SYT10: variants seen among roughly 807,000 people sequenced by gnomAD.
The protein encoded by SYT10 is synaptotagmin 10, also known as synaptotagmin-10.
Under a neutral mutation model 51.1 loss-of-function variants are expected in SYT10, and 31 were observed. The ratio of observed to expected loss-of-function variants is 0.61; its 90% CI spans 0.46 to 0.82. SYT10 has a LOEUF of 0.82. Among genes scored for constraint, SYT10 ranks in the 40% least tolerant of loss-of-function variants. SYT10 has a pLI of 0.00. For missense variants in SYT10, 603 were observed against 634.0 expected, an observed-to-expected ratio of 0.95 and a Z score of 0.53; for synonymous variants, 233 against 225.9, an observed-to-expected ratio of 1.03 and a Z score of -0.28.
chr12:33,391,483 A>G (rs1866206818), intron 3 of SYT10, among the ~76,000 whole-genome samples: 1 of 152,132 alleles, frequency 6.6e-6, no homozygotes, highest in Non-Finnish European at 1.5e-5. Flanking sequence ...GATGACCAGA[A>G]GGTCAAACAG....
intron 6 of SYT10, 116 bp downstream of exon 6, chr12:33,379,716 T>C: frequency 7.4e-7 from 1 of 1,356,838 alleles, no homozygotes; most frequent in South Asian, 1.5e-5. Context: ...AACAATCTTT[T>C]CTATTTTTTT....
chr12:33,437,101 A>G (rs1057439781), intron 1 of SYT10, among the ~76,000 whole-genome samples: 1 of 152,202 alleles, frequency 6.6e-6, no homozygotes, highest in African/African-American at 2.4e-5. Flanking sequence ...ATTAACTTTG[A>G]GTGTCTATTT....
chr12:33,374,328 A>G lies in SYT10; in HGVS notation c.*2502T>C, dbSNP rs1232221060. The G allele has an allele frequency of 4.0e-5, 6 of 151,812 alleles. No homozygotes were observed. The highest frequency in any genetic ancestry group is 5.9e-5 in the Non-Finnish European group (4 of 67,880). The allele number at this position is 151,812 out of a possible 1,614,324, so 9.4% of individuals were successfully genotyped here. On this transcript the variant is annotated 3_prime_UTR_variant, in exon 7 of 7. Transcript: ENST00000228567. ...CATTATATACCTGAACTGCAGCTTC[A>G]TAATGTGTCAGTACTGTCATTAAAA...
intron 3 of SYT10, among the ~76,000 whole-genome samples, chr12:33,392,447 C>T (rs1866215828): frequency 6.6e-6 from 1 of 152,170 alleles, no homozygotes; most frequent in African/African-American, 2.4e-5. Flanking sequence ...CACGCCCTCC[C>T]TGCCTTTCCT....
intron 3 of SYT10, among the ~76,000 whole-genome samples, chr12:33,386,514 T>A (rs979809456): frequency 6.6e-6 from 1 of 151,990 alleles, no homozygotes; most frequent in Non-Finnish European, 1.5e-5. Flanking sequence ...TGACTAGTAC[T>A]TCTTTCTCTT....
intron 3 of SYT10, among the ~76,000 whole-genome samples, chr12:33,401,169 A>G (rs1294025799): frequency 6.6e-6 from 1 of 152,222 alleles, no homozygotes; most frequent in Non-Finnish European, 1.5e-5. Flanking sequence ...AGTTTCTACC[A>G]TATATTCATT....
intron 3 of SYT10, among the ~76,000 whole-genome samples, chr12:33,395,308 A>T (rs1866246789): frequency 6.6e-6 from 1 of 152,224 alleles, no homozygotes; most frequent in Admixed American, 6.5e-5. Flanking sequence ...AATTATTCTG[A>T]ACATTTGCAT....
rs531541018 is a variant in SYT10 at position 33,380,658 on chromosome 12, C to G, written c.1371-697G>C. Among the ~76,000 whole-genome samples the G allele has an allele frequency of 2.0e-5, 3 of 152,244 alleles. No individual in the cohort carries two copies. The South Asian group carries it at 6.2e-4, about 32-fold the overall frequency. ...TGTACTGACCCAATTAATTCCCCCACCATGACCATGAATATCATTATTATC... is the reference window on the plus strand; with the variant it reads ...TGTACTGACCCAATTAATTCCCCCAGCATGACCATGAATATCATTATTATC... On this transcript the variant is annotated intron_variant, in intron 5 of 6. Coordinates refer to ENST00000228567, the MANE Select transcript of SYT10 (RefSeq NM_198992.4).
chr12:33,430,894 T>A (rs1356525929), intron 1 of SYT10, among the ~76,000 whole-genome samples: 1 of 152,184 alleles, frequency 6.6e-6, no homozygotes, highest in Non-Finnish European at 1.5e-5. Flanking sequence ...ATATTACCAT[T>A]ATAATAATTA....
chr12:33,378,814 CTGTGTGTGTGTGTGTGTGTGTG>C (rs56373564), intron 6 of SYT10, among the ~76,000 whole-genome samples: 1 of 145,184 alleles, frequency 6.9e-6, no homozygotes, highest in African/African-American at 2.5e-5. Flanking sequence ...GACTGGGTAT[CTGTGTGTGTGTGTGTGTGTGTG>C]TGTGTGTGTG....
chr12:33,406,131 T>A (rs1866350926), intron 3 of SYT10, among the ~76,000 whole-genome samples: 1 of 152,116 alleles, frequency 6.6e-6, no homozygotes, highest in Non-Finnish European at 1.5e-5. Flanking sequence ...TTTAATTTTA[T>A]GCTATGTGTT....
At chr12:33,382,277 C>G in intron 5 of SYT10, 72 bp downstream of exon 5, 1 of 1,290,392 alleles carries the variant, frequency 7.7e-7, no homozygotes. Context: ...CAGTAAATGA[C>G]CTGAAAAGCT....
intron 2 of SYT10, among the ~76,000 whole-genome samples, chr12:33,418,539 C>T (rs1280925921): frequency 3.3e-5 from 5 of 152,068 alleles, no homozygotes; most frequent in Non-Finnish European, 7.4e-5. Context: ...CTTTAAATAC[C>T]ACAGGTCCGG....
intron 4 of SYT10, 66 bp downstream of exon 4, chr12:33,385,105 T>G: frequency 6.4e-7 from 1 of 1,574,122 alleles, no homozygotes; most frequent in Non-Finnish European, 8.7e-7. Context: ...TCATGTATCA[T>G]TTTTAGATAC....
intron 4 of SYT10, 93 bp downstream of exon 4, chr12:33,385,078 G>A: frequency 6.9e-7 from 1 of 1,452,632 alleles, no homozygotes; most frequent in Non-Finnish European, 9.3e-7. Flanking sequence ...TCCCATTATA[G>A]GCAAATAATT....
intron 1 of SYT10, among the ~76,000 whole-genome samples, chr12:33,431,586 T>C (rs1265065620): frequency 1.3e-5 from 2 of 152,188 alleles, no homozygotes; most frequent in East Asian, 3.8e-4. Flanking sequence ...AAATACATAC[T>C]TTAAAACATT....
At chr12:33,432,673 T>C (rs1866606842) in intron 1 of SYT10, 1 of 152,098 alleles carries the variant, frequency 6.6e-6, no homozygotes, top group African/African-American at 2.4e-5. Context: ...TAATAAATAC[T>C]GAAGAGAAAA....
intron 3 of SYT10, among the ~76,000 whole-genome samples, chr12:33,397,961 C>T (rs1172655757): frequency 1.3e-5 from 2 of 151,592 alleles, no homozygotes; most frequent in Admixed American, 6.6e-5. Flanking sequence ...AGGAGAGTGG[C>T]GGAAATGAAC....
Position 33,407,183 on chromosome 12 carries a change from T to A in SYT10, c.683A>T (p.Asp228Val), listed in dbSNP as rs761621570. The A allele has an allele frequency of 6.2e-7, 1 of 1,614,192 alleles. No individual in the cohort carries two copies. The highest frequency in any genetic ancestry group is 1.1e-5 in the South Asian group (1 of 91,072). The change falls in exon 3 of 7, where the codon GAT becomes GTT. Residue 228 changes from aspartate to valine, a missense_variant. Physicochemically the swap from Asp to Val is radical, Grantham distance 152. Transcript: ENST00000228567. ...SVDSEGNQNE[D>V]VKICGKLNFT... is the part of the protein sequence containing the mutation. The stretch of plus-strand genomic sequence containing the variant: ...GTTAAGTTTCCCACAGATTTTGACA[T>A]CTTCGTTTTGGTTGCCCTCAGAGTC...
Sources: allele counts gnomAD v4.1 joint callset (sites outside exome capture counted in the v4.1 genomes callset), GRCh38; gene constraint gnomAD v4.1.1; transcripts MANE v1.5; gene names NCBI Gene and HGNC (gene_info 2026-07-23, HGNC 2026-07-21).